Variants in ARHGAP10 observed in about 807,000 individuals in gnomAD.
ARHGAP10 encodes Rho GTPase activating protein 10, also known as rho GTPase-activating protein 10.
A neutral mutation model predicts 108.6 loss-of-function variants in ARHGAP10; 87 were observed. The observed-to-expected ratio is 0.80, with a 90% CI of 0.67 to 0.96. The LOEUF (loss-of-function observed/expected upper bound fraction) is 0.96, where lower values mean the gene tolerates loss of function less well. Ranked by LOEUF, ARHGAP10 falls within the 40% of genes least tolerant of loss-of-function variation. ARHGAP10 has a pLI of 0.00. For missense variants in ARHGAP10, 939 were observed against 954.5 expected (o/e 0.98, Z 0.21); for synonymous variants, 347 against 341.1 (o/e 1.02, Z -0.19).
intron 3 of ARHGAP10, among the ~76,000 whole-genome samples, chr4:147,834,987 G>C (rs907366743): frequency 1.3e-5 from 2 of 152,098 alleles, no homozygotes; most frequent in African/African-American, 4.8e-5. Flanking sequence ...AAAAGATTCA[G>C]GGTACTTAGC....
At position 147,875,014 on chromosome 4, in the gene ARHGAP10, A is replaced by G. The variant is rs564186201; in HGVS notation, c.703-7A>G. 161 of 1,576,008 alleles carry G rather than the reference A, an allele frequency of 1.0e-4. No individual in the cohort carries two copies. The highest frequency in any genetic ancestry group is 8.2e-4 in the Admixed American group (40 of 48,900). ...AACATTTATGTGTGTTTTTTAATCC[A>G]TTTCAGACACGGAATCGATTTGAAG... is the stretch of plus-strand genomic sequence containing the variant. On this transcript the variant is annotated splice_polypyrimidine_tract_variant and splice_region_variant and intron_variant, in intron 7 of 22. Transcript: ENST00000336498.
At chr4:147,937,825 C>T (rs768471199) in intron 13 of ARHGAP10, among the ~76,000 whole-genome samples, 1 of 152,006 alleles carries the variant, frequency 6.6e-6, no homozygotes, top group Non-Finnish European at 1.5e-5. Context: ...ACTAAAAATA[C>T]AAAATTAGCT....
At chr4:148,033,253 G>A (rs1027761977) in intron 19 of ARHGAP10, among the ~76,000 whole-genome samples, 1 of 152,044 alleles carries the variant, frequency 6.6e-6, no homozygotes, top group Admixed American at 6.6e-5. Flanking sequence ...ACTTATAAGA[G>A]GACCTTGTAT....
chr4:147,955,455 C>A (rs1738756186), intron 16 of ARHGAP10, 81 bp downstream of exon 16: 1 of 1,259,332 alleles, frequency 7.9e-7, no homozygotes, highest in East Asian at 2.4e-5. Context: ...ATGAAAAATT[C>A]AACTTGTTAT....
chr4:148,060,453 C>T (rs2149688496), intron 20 of ARHGAP10, among the ~76,000 whole-genome samples: 1 of 150,128 alleles, frequency 6.7e-6, no homozygotes, highest in South Asian at 2.1e-4. Flanking sequence ...TAGATGTGAA[C>T]CCATTACACG....
intron 9 of ARHGAP10, among the ~76,000 whole-genome samples, chr4:147,880,774 C>G (rs1186613881): frequency 6.6e-6 from 1 of 152,090 alleles, no homozygotes; most frequent in Non-Finnish European, 1.5e-5. Context: ...ATGGTTCTAG[C>G]TTTAGATTAT....
At chr4:148,006,284 G>A (rs943215478) in intron 18 of ARHGAP10, among the ~76,000 whole-genome samples, 1 of 152,202 alleles carries the variant, frequency 6.6e-6, no homozygotes, top group Non-Finnish European at 1.5e-5. Context: ...TCCTGTCCAG[G>A]CACTGGACAT....
In ARHGAP10 at chr4:148,039,324, C is replaced by G. The variant is rs558718376; in HGVS notation, c.1868-7568C>G. 2.9e-5 allele frequency among the ~76,000 whole-genome samples: 4 copies of G among 139,014 alleles called. No individual in the cohort carries two copies. In the South Asian group the frequency reaches 7.3e-4, roughly 25 times the overall value. 91.2% of individuals were successfully genotyped at this position (139,014 alleles called of 152,430 possible). On this transcript the variant is annotated intron_variant, in intron 19 of 22. Coordinates refer to ENST00000336498, the MANE Select transcript of ARHGAP10 (RefSeq NM_024605.4). ...GAAGGCAGTTTGAATATATAATTCT[C>G]TGCTCAAATTTTTTTTCTTTAATAC...
Position 147,806,203 on chromosome 4 carries a change from C to T in ARHGAP10, c.155-16524C>T, listed in dbSNP as rs1034102181. 3.9e-5 allele frequency among the ~76,000 whole-genome samples: 6 copies of T among 152,168 alleles called. No individual in the cohort carries two copies. In the East Asian group the frequency reaches 9.7e-4, roughly 25 times the overall value. ...ACCACCTCAGTGTCCAGAGTCCAGG[C>T]GGCTTTCCAGGTCGGATCAAATTTA... On this transcript the variant is annotated intron_variant, in intron 1 of 22. Coordinates refer to ENST00000336498, the MANE Select transcript of ARHGAP10 (RefSeq NM_024605.4).
At chr4:147,945,451 C>G (rs1186125178) in intron 14 of ARHGAP10, among the ~76,000 whole-genome samples, 1 of 152,118 alleles carries the variant, frequency 6.6e-6, no homozygotes, top group Non-Finnish European at 1.5e-5. Flanking sequence ...ATAAAGAAAA[C>G]TAGTTTAAGT....
intron 1 of ARHGAP10, among the ~76,000 whole-genome samples, chr4:147,741,788 A>ACGCG (rs1553944864): frequency 5.0e-5 from 1 of 20,030 alleles, no homozygotes; most frequent in African/African-American, 1.1e-4. Flanking sequence ...ACACACACAC[A>ACGCG]CACGCACACA....
At chr4:147,822,577 C>G in intron 1 of ARHGAP10, 150 bp from the exon 2 acceptor site, 2 of 724,300 alleles carry the variant, frequency 2.8e-6, no homozygotes, top group Non-Finnish European at 4.6e-6. Context: ...TTGAAGATGG[C>G]GGGCCATTTG....
intron 18 of ARHGAP10, among the ~76,000 whole-genome samples, chr4:148,003,177 G>C (rs1257009246): frequency 6.6e-6 from 1 of 152,176 alleles, no homozygotes; most frequent in Non-Finnish European, 1.5e-5. Context: ...TATGTACCCA[G>C]TAGTCATTCA....
intron 1 of ARHGAP10, among the ~76,000 whole-genome samples, chr4:147,802,467 G>A (rs563307889): frequency 6.6e-6 from 1 of 152,366 alleles, no homozygotes; most frequent in African/African-American, 2.4e-5. Flanking sequence ...TGTACTGACT[G>A]TTTACTGGCT....
chr4:147,956,648 G>A (rs1195836338), intron 16 of ARHGAP10, among the ~76,000 whole-genome samples: 1 of 151,960 alleles, frequency 6.6e-6, no homozygotes, highest in African/African-American at 2.4e-5. Context: ...CATGTTGTTT[G>A]CCTTAGAGAC....
intron 1 of ARHGAP10, among the ~76,000 whole-genome samples, chr4:147,811,537 A>T (rs1732018349): frequency 6.6e-6 from 1 of 152,010 alleles, no homozygotes; most frequent in Non-Finnish European, 1.5e-5. Flanking sequence ...AAAGCAGTTT[A>T]TGCTCAGTGA....
At chr4:147,785,083 T>TAAAA (rs368685839) in intron 1 of ARHGAP10, among the ~76,000 whole-genome samples, 29,978 of 118,464 alleles carry the variant, frequency 0.25, 4,795 homozygotes, top group East Asian at 0.42. Context: ...GACTATTTTC[T>TAAAA]AAAAAAAAAA....
At chr4:148,043,614 AATATAT>A (rs57931206) in intron 19 of ARHGAP10, among the ~76,000 whole-genome samples, 905 of 54,966 alleles carry the variant, frequency 0.016, 29 homozygotes, top group African/African-American at 0.029. Context: ...CCCTCTCTCT[AATATAT>A]ATATATATAT....
chr4:147,921,029 A>C (rs1317801152), intron 13 of ARHGAP10, among the ~76,000 whole-genome samples: 2 of 152,228 alleles, frequency 1.3e-5, no homozygotes, highest in East Asian at 1.9e-4. Context: ...AAAAGTAAAT[A>C]TGAAAACTAA....
Sources: allele counts gnomAD v4.1 joint callset (sites outside exome capture counted in the v4.1 genomes callset), GRCh38; gene constraint gnomAD v4.1.1; transcripts MANE v1.5; gene names NCBI Gene and HGNC (gene_info 2026-07-23, HGNC 2026-07-21).